Variants in ACTR5 observed in about 807,000 individuals in gnomAD.
The protein encoded by ACTR5 is actin related protein 5, also known as actin-related protein 5.
ACTR5 carries 43 observed loss-of-function variants against 61.2 expected under a neutral mutation model. The observed-to-expected ratio is 0.70, with a 90% CI of 0.55 to 0.91. ACTR5 has a LOEUF of 0.91. Among genes scored for constraint, ACTR5 ranks in the 40% least tolerant of loss-of-function variants. The pLI, the probability that ACTR5 is intolerant of heterozygous loss-of-function variation, is 0.00. For missense variants in ACTR5, 798 were observed against 782.2 expected (o/e 1.02, Z -0.24); for synonymous variants, 333 against 310.5 (o/e 1.07, Z -0.76).
At position 38,765,402 on chromosome 20, in the gene ACTR5, AC is replaced by A; in HGVS notation, c.1181del (p.Pro394LeufsTer16). On this transcript the variant is annotated frameshift_variant and splice_region_variant, in exon 6 of 9. Coordinates refer to ENST00000243903, the MANE Select transcript of ACTR5 (RefSeq NM_024855.4). LOFTEE classifies it high-confidence loss of function. ...EVDVVDSKPE[T>X]PDLEQLEPSL... is the part of the protein sequence containing the mutation. ...TGTTTCATTTTGCTCCTTCTCTTAGACCCCTGACCTGGAGCAGCTGGAGCCG... is the reference window on the plus strand; with the variant it reads ...TGTTTCATTTTGCTCCTTCTCTTAGACCCTGACCTGGAGCAGCTGGAGCCG... 1.9e-6 allele frequency: 3 copies of A among 1,613,122 alleles called. No homozygotes were observed. The highest frequency in any genetic ancestry group is 2.5e-6 in the Non-Finnish European group (3 of 1,179,166).
intron 1 of ACTR5, among the ~76,000 whole-genome samples, chr20:38,749,092 T>C (rs184768241): frequency 6.4e-4 from 97 of 152,344 alleles, no homozygotes; most frequent in Admixed American, 4.5e-3. Flanking sequence ...AACAAATACG[T>C]ATTGAGCACT....
In ACTR5 at chr20:38,748,496, C is replaced by T. The variant is rs2254105; in HGVS notation, c.18C>T (p.Phe6=). 379,899 of 1,491,750 alleles carry T rather than the reference C, an allele frequency of 0.25. 49,199 individuals carry two copies. The highest frequency in any genetic ancestry group is 0.31 in the Middle Eastern group (1,315 of 4,244). 92.4% of individuals were successfully genotyped at this position (1,491,750 alleles called of 1,614,324 possible). ...GCTCCAAGATGGCGGCGAACGTGTT[C>T]CCGTTCCGCGACGCCCGTGCCGCAC... MAANV[F]PFRDARAAPD... The change falls in exon 1 of 9, where the codon TTC becomes TTT. Residue 6 remains phenylalanine, a synonymous_variant. Transcript: ENST00000243903.
chr20:38,758,707 T>A (rs1276449561), intron 5 of ACTR5, among the ~76,000 whole-genome samples: 1 of 152,066 alleles, frequency 6.6e-6, no homozygotes, highest in Admixed American at 6.6e-5. Flanking sequence ...GCATTCAGCA[T>A]TTTAGGGTAA....
intron 4 of ACTR5, among the ~76,000 whole-genome samples, chr20:38,755,591 C>A (rs564348778): frequency 1.3e-5 from 2 of 151,196 alleles, no homozygotes; most frequent in African/African-American, 4.9e-5. Context: ...CTTCACATCC[C>A]CCGCCCCACC....
chr20:38,750,033 T>A lies in ACTR5; in HGVS notation c.399T>A (p.Val133=), dbSNP rs1442421299. The A allele has an allele frequency of 6.2e-7, 1 of 1,614,208 alleles. No homozygotes were observed. Among genetic ancestry groups the A allele is most frequent in the African/African-American group, 1.3e-5 (1 of 75,060 alleles). Residue 133 remains valine (V), a synonymous_variant, in exon 2 of 9, where the codon GTT becomes GTA. Transcript: ENST00000243903. The part of the protein sequence containing the change: ...SSQGCVDHPI[V]LTEAVCNPLY... ...AGGGCTGTGTTGATCATCCCATAGTTTTGACAGAAGCTGTGTGCAACCCAC... is the reference window on the plus strand; with the variant it reads ...AGGGCTGTGTTGATCATCCCATAGTATTGACAGAAGCTGTGTGCAACCCAC...
intron 4 of ACTR5, 142 bp downstream of exon 4, chr20:38,755,316 C>A: frequency 1.2e-6 from 1 of 832,648 alleles, no homozygotes; most frequent in Non-Finnish European, 1.9e-6. Flanking sequence ...GGGGGATCAT[C>A]AGCATAGAAT....
At chr20:38,766,806 T>C (rs920818794) in intron 7 of ACTR5, among the ~76,000 whole-genome samples, 1 of 152,218 alleles carries the variant, frequency 6.6e-6, no homozygotes, top group Admixed American at 6.5e-5. Context: ...GTTTTACCCA[T>C]TTATGCGGGC....
Position 38,755,111 on chromosome 20 carries a change from C to G in ACTR5, c.930C>G (p.Ala310=), listed in dbSNP as rs761408786. The change falls in exon 4 of 9, where the codon GCC becomes GCG. Residue 310 remains alanine (A), a synonymous_variant. Coordinates refer to ENST00000243903, the MANE Select transcript of ACTR5 (RefSeq NM_024855.4). Reference sequence around the variant, plus strand: ...TGCGGCGGCTGCAGGAGCTCAATGCCCGGCGGCGGGAGGAGAAGCTGCAGC... The same window carrying G: ...TGCGGCGGCTGCAGGAGCTCAATGCGCGGCGGCGGGAGGAGAAGCTGCAGC... ...QQLRRLQELN[A]RRREEKLQLD... is the part of the protein sequence containing the mutation. 1.5e-5 allele frequency: 24 copies of G among 1,614,078 alleles called. No individual in the cohort carries two copies. Among genetic ancestry groups the G allele is most frequent in the Middle Eastern group, 1.6e-4 (1 of 6,062 alleles).
At chr20:38,759,014 A>G (rs945117046) in intron 5 of ACTR5, among the ~76,000 whole-genome samples, 4 of 152,180 alleles carry the variant, frequency 2.6e-5, no homozygotes, top group African/African-American at 7.2e-5. Context: ...TTCTGTGAGG[A>G]TGTTGTGAAG....
intron 8 of ACTR5, among the ~76,000 whole-genome samples, chr20:38,768,775 AC>A (rs2084503207): frequency 6.6e-6 from 1 of 152,108 alleles, no homozygotes; most frequent in Non-Finnish European, 1.5e-5. Context: ...CCAAGGCCCC[AC>A]CCTTGTAAGT....
chr20:38,771,206 C>T (rs750798666), intron 8 of ACTR5, among the ~76,000 whole-genome samples: 2 of 152,208 alleles, frequency 1.3e-5, no homozygotes, highest in Non-Finnish European at 2.9e-5. Context: ...GGGAGCGGGG[C>T]CAGGAAGGCC....
At chr20:38,753,124 A>C (rs1188177320) in intron 3 of ACTR5, among the ~76,000 whole-genome samples, 1 of 152,232 alleles carries the variant, frequency 6.6e-6, no homozygotes, top group East Asian at 1.9e-4. Context: ...GGAGAGTTAG[A>C]GGCTTGCCAG....
intron 3 of ACTR5, among the ~76,000 whole-genome samples, chr20:38,754,285 A>G (rs112203619): frequency 1.4e-4 from 21 of 152,184 alleles, no homozygotes; most frequent in African/African-American, 5.1e-4. Context: ...CTTACTTAGC[A>G]GTTCTTTTAG....
At chr20:38,763,865 G>A (rs1028757455) in intron 5 of ACTR5, among the ~76,000 whole-genome samples, 1 of 152,116 alleles carries the variant, frequency 6.6e-6, no homozygotes, top group Non-Finnish European at 1.5e-5. Context: ...CTCCTCCTCA[G>A]ATTACCTCTA....
chr20:38,770,050 C>T lies in ACTR5; in HGVS notation c.1567-1509C>T, dbSNP rs184163355. ...ATTGGTTGTGGAATGCTGCTACCAG[C>T]CAGATCTTTTCCCAGCCCTGCTTTT... On this transcript the variant is annotated intron_variant, in intron 8 of 8. Coordinates refer to ENST00000243903, the MANE Select transcript of ACTR5 (RefSeq NM_024855.4). 1.5e-3 allele frequency among the ~76,000 whole-genome samples: 232 copies of T among 152,320 alleles called. 1 individual carries two copies. Among genetic ancestry groups the T allele is most frequent in the African/African-American group, 5.3e-3 (220 of 41,578 alleles).
intron 5 of ACTR5, among the ~76,000 whole-genome samples, chr20:38,758,238 TACTC>T (rs2084431837): frequency 6.6e-6 from 1 of 152,238 alleles, no homozygotes; most frequent in South Asian, 2.1e-4. Context: ...TTTCAGCAGA[TACTC>T]AGTAGGTACC....
intron 5 of ACTR5, among the ~76,000 whole-genome samples, chr20:38,762,846 C>G (rs1837837275): frequency 6.6e-6 from 1 of 152,164 alleles, no homozygotes; most frequent in African/African-American, 2.4e-5. Flanking sequence ...CTTGCTTTCA[C>G]CTGTTACTTG....
At chr20:38,769,178 A>G (rs755750852) in intron 8 of ACTR5, among the ~76,000 whole-genome samples, 3 of 152,108 alleles carry the variant, frequency 2.0e-5, no homozygotes, top group Admixed American at 6.5e-5. Context: ...CTCCCTTTGC[A>G]TAGAATACTC....
At position 38,771,613 on chromosome 20, in the gene ACTR5, G is replaced by T; in HGVS notation, c.1621G>T (p.Ala541Ser). Reference protein sequence around the residue: ...LDAWYGARDWALNHLDDNEVW... With the variant: ...LDAWYGARDWSLNHLDDNEVW... ...TGCCTGGTACGGTGCTCGTGACTGGGCCTTGAACCACCTAGATGATAATGA... is the reference window on the plus strand; with the variant it reads ...TGCCTGGTACGGTGCTCGTGACTGGTCCTTGAACCACCTAGATGATAATGA... The change falls in exon 9 of 9, where the codon GCC (alanine) becomes TCC (serine). Residue 541 changes from alanine to serine, a missense_variant. Transcript: ENST00000243903. 1.2e-6 allele frequency: 2 copies of T among 1,614,180 alleles called. No homozygotes were observed. Among genetic ancestry groups the T allele is most frequent in the Non-Finnish European group, 1.7e-6 (2 of 1,180,034 alleles).
Sources: gnomAD v4.1 joint callset for allele counts (sites outside exome capture counted in the v4.1 genomes callset) on GRCh38, gnomAD v4.1.1 for gene constraint, MANE v1.5 for transcripts, NCBI Gene and HGNC (gene_info 2026-07-23, HGNC 2026-07-21) for gene names.